The following DLGAP2 variants were observed in gnomAD, a reference collection of about 807,000 sequenced individuals.
The protein encoded by DLGAP2 is disks large-associated protein 2.
DLGAP2 carries 26 observed loss-of-function variants against 100.3 expected under a neutral mutation model. That is an observed-to-expected ratio of 0.26 (90% CI 0.19 to 0.36). The LOEUF (loss-of-function observed/expected upper bound fraction) is 0.36. Ranked by LOEUF, DLGAP2 falls within the 10% of genes least tolerant of loss-of-function variation. The pLI, the probability that DLGAP2 is intolerant of heterozygous loss-of-function variation, is 1.00. For missense variants in DLGAP2, 1,858 were observed against 1,453.2 expected (o/e 1.28, Z -4.53); for synonymous variants, 886 against 630.1 (o/e 1.41, Z -6.08).
At chr8:750,371 C>T (rs1055804552) in intron 1 of DLGAP2, among the ~76,000 whole-genome samples, 1 of 152,162 alleles carries the variant, frequency 6.6e-6, no homozygotes, top group African/African-American at 2.4e-5. Flanking sequence ...AGAAATGGAT[C>T]GATTGATCTA....
intron 4 of DLGAP2, among the ~76,000 whole-genome samples, chr8:1,534,810 G>A (rs148208505): frequency 5.9e-5 from 9 of 152,296 alleles, no homozygotes; most frequent in African/African-American, 9.6e-5. Context: ...GTGTGTGCGC[G>A]TGATGTGTGT....
chr8:890,763 G>A (rs2128995455), intron 1 of DLGAP2, among the ~76,000 whole-genome samples: 1 of 152,164 alleles, frequency 6.6e-6, no homozygotes, highest in South Asian at 2.1e-4. Flanking sequence ...TGCTTCCTGT[G>A]TGTCTCCGGC....
chr8:1,198,440 C>T (rs78368789), intron 2 of DLGAP2, among the ~76,000 whole-genome samples: 1 of 152,246 alleles, frequency 6.6e-6, no homozygotes, highest in Non-Finnish European at 1.5e-5. Flanking sequence ...GCGCAGGTGG[C>T]AGCTGCCTCC....
At chr8:988,248 G>A (rs1257654015) in intron 2 of DLGAP2, among the ~76,000 whole-genome samples, 1 of 152,198 alleles carries the variant, frequency 6.6e-6, no homozygotes, top group East Asian at 1.9e-4. Flanking sequence ...ACCTTCAGAT[G>A]CAAAACAGAA....
chr8:875,959 C>T (rs1797681184), intron 1 of DLGAP2, among the ~76,000 whole-genome samples: 1 of 152,162 alleles, frequency 6.6e-6, no homozygotes, highest in Non-Finnish European at 1.5e-5. Flanking sequence ...CTTATTACAT[C>T]TCTTAATGTT....
chr8:1,632,246 T>C (rs1797665106), intron 7 of DLGAP2, among the ~76,000 whole-genome samples: 1 of 152,228 alleles, frequency 6.6e-6, no homozygotes, highest in Admixed American at 6.5e-5. Flanking sequence ...CATTTCTTTC[T>C]CATCTGGACT....
intron 2 of DLGAP2, among the ~76,000 whole-genome samples, chr8:1,182,129 G>T (rs1198933549): frequency 1.3e-5 from 2 of 152,240 alleles, no homozygotes; most frequent in Non-Finnish European, 2.9e-5. Flanking sequence ...TCCGTGTTCT[G>T]TTCCTGAGGT....
At chr8:1,072,632 C>G (rs1331329896) in intron 2 of DLGAP2, among the ~76,000 whole-genome samples, 1 of 152,132 alleles carries the variant, frequency 6.6e-6, no homozygotes, top group African/African-American at 2.4e-5. Flanking sequence ...TGGGTTTGAC[C>G]TTGCTATCCT....
intron 8 of DLGAP2, among the ~76,000 whole-genome samples, chr8:1,646,138 A>G (rs1353518394): frequency 1.3e-5 from 2 of 152,090 alleles, no homozygotes; most frequent in Non-Finnish European, 2.9e-5. Context: ...GGAGGGGTGG[A>G]CGAGGTGAAG....
At chr8:1,275,473 C>G (rs953482343) in intron 3 of DLGAP2, among the ~76,000 whole-genome samples, 1 of 150,820 alleles carries the variant, frequency 6.6e-6, no homozygotes, top group East Asian at 1.9e-4. Flanking sequence ...CCGGAGATGA[C>G]TTCATTCTCC....
intron 8 of DLGAP2, among the ~76,000 whole-genome samples, chr8:1,637,074 A>G (rs7017305): frequency 0.36 from 55,069 of 151,868 alleles, 12,971 homozygotes; most frequent in African/African-American, 0.68. Flanking sequence ...CTGGCTCCGC[A>G]GGCAGGATGT....
intron 2 of DLGAP2, among the ~76,000 whole-genome samples, chr8:936,907 C>G (rs376870273): frequency 6.6e-6 from 1 of 152,294 alleles, no homozygotes; most frequent in East Asian, 1.9e-4. Context: ...CACCGTGGAC[C>G]ATTTTCACAA....
intron 2 of DLGAP2, among the ~76,000 whole-genome samples, chr8:983,265 T>G (rs1305610505): frequency 1.3e-5 from 2 of 152,038 alleles, no homozygotes; most frequent in East Asian, 1.9e-4. Context: ...AATCCACGTG[T>G]TGGTGGAAGG....
chr8:892,368 C>G (rs1443212164), intron 1 of DLGAP2, among the ~76,000 whole-genome samples: 1 of 152,068 alleles, frequency 6.6e-6, no homozygotes, highest in Non-Finnish European at 1.5e-5. Flanking sequence ...GAGTCAGCCT[C>G]AAAGAGGAAC....
intron 3 of DLGAP2, among the ~76,000 whole-genome samples, chr8:1,437,210 A>G (rs112678652): frequency 1.5e-3 from 160 of 105,054 alleles, no homozygotes; most frequent in East Asian, 5.2e-3. Flanking sequence ...CAGGCGCGTA[A>G]GGGTGACGCC....
At chr8:1,243,616 C>T (rs1355484188) in intron 2 of DLGAP2, among the ~76,000 whole-genome samples, 2 of 152,086 alleles carry the variant, frequency 1.3e-5, no homozygotes, top group Non-Finnish European at 2.9e-5. Context: ...TGTTTGGACC[C>T]CTCTTCTTCC....
intron 2 of DLGAP2, among the ~76,000 whole-genome samples, chr8:979,431 C>G (rs1321908256): frequency 6.6e-6 from 1 of 152,176 alleles, no homozygotes; most frequent in African/African-American, 2.4e-5. Flanking sequence ...TGTGCTGCCA[C>G]CAAAGTGACA....
chr8:851,974 G>T (rs1797190604), intron 1 of DLGAP2, among the ~76,000 whole-genome samples: 1 of 152,178 alleles, frequency 6.6e-6, no homozygotes, highest in African/African-American at 2.4e-5. Context: ...ACTTGGTCAG[G>T]GCACTCAGCT....
chr8:1,647,146 TAGTGCAGAC>T (rs1798058081), intron 8 of DLGAP2, among the ~76,000 whole-genome samples: 1 of 152,124 alleles, frequency 6.6e-6, no homozygotes, highest in Admixed American at 6.5e-5. Context: ...GCAGTGAGAC[TAGTGCAGAC>T]AGTCCCCCAG....
Sources: allele counts gnomAD v4.1 joint callset (sites outside exome capture counted in the v4.1 genomes callset), GRCh38; gene constraint gnomAD v4.1.1; transcripts MANE v1.5; gene names NCBI Gene and HGNC (gene_info 2026-07-23, HGNC 2026-07-21).